Variants in RAPH1 observed in about 807,000 individuals in gnomAD.
The protein encoded by RAPH1 is Ras association (RalGDS/AF-6) and pleckstrin homology domains 1.
RAPH1 carries 18 observed loss-of-function variants against 88.1 expected under a neutral mutation model. The observed-to-expected ratio is 0.20, with a 90% CI of 0.14 to 0.30. The LOEUF (loss-of-function observed/expected upper bound fraction) is 0.30, where lower values mean the gene tolerates loss of function less well. Among genes scored for constraint, RAPH1 ranks in the 10% least tolerant of loss-of-function variants. The pLI, the probability that RAPH1 is intolerant of heterozygous loss-of-function variation, is 1.00. For synonymous variants in RAPH1, 587 were observed against 559.0 expected, an observed-to-expected ratio of 1.05 and a Z score of -0.71; for missense variants, 1,448 against 1,543.2, an observed-to-expected ratio of 0.94 and a Z score of 1.03.
intron 1 of RAPH1, among the ~76,000 whole-genome samples, chr2:203,510,710 C>G (rs1008526749): frequency 6.6e-6 from 1 of 152,012 alleles, no homozygotes; most frequent in African/African-American, 2.4e-5. Flanking sequence ...GCTAAAAACA[C>G]TAGAATTTTT....
In RAPH1 at chr2:203,440,128, G is replaced by A. The variant is rs2098502085; in HGVS notation, c.3062C>T (p.Pro1021Leu). 1.9e-6 allele frequency: 3 copies of A among 1,613,442 alleles called. No homozygotes were observed. The highest frequency in any genetic ancestry group is 1.1e-5 in the South Asian group (1 of 91,086). ...TTTTCCAGGCTTGGGGGGTGCTGCA[G>A]GAGGTGGTAGGGTCTCCTTGCTGGG... ...GSPSKETLPP[P>L]AAPPKPGKLN... The change falls in exon 14 of 14, where the codon CCT becomes CTT. Residue 1021 changes from proline to leucine, a missense_variant. By Grantham distance (98) the Pro-to-Leu change is moderately conservative (BLOSUM62 -3). This residue lies in a region of RAPH1 where 935 missense variants were observed against 890.1 expected (regional missense o/e 1.05). Transcript: ENST00000319170.
In RAPH1 at chr2:203,439,315, T is replaced by C. The variant is rs1269808620; in HGVS notation, c.*122A>G. ...ACGTGTACACACACACATACACATATAGCTGGACACTACCTGAATAACATC... is the reference window on the plus strand; with the variant it reads ...ACGTGTACACACACACATACACATACAGCTGGACACTACCTGAATAACATC... On this transcript the variant is annotated 3_prime_UTR_variant, in exon 14 of 14. Transcript: ENST00000319170. The C allele has an allele frequency of 4.7e-6, 4 of 856,374 alleles. No individual in the cohort carries two copies. Among genetic ancestry groups the C allele is most frequent in the African/African-American group, 1.7e-5 (1 of 59,756 alleles). The allele number at this position is 856,374 out of a possible 1,614,324, so 53.0% of individuals were successfully genotyped here. A position where few individuals can be genotyped will look rare whatever the true frequency, so the allele number is the denominator to read the frequency against.
intron 1 of RAPH1, among the ~76,000 whole-genome samples, chr2:203,524,340 T>C (rs1475965073): frequency 2.0e-5 from 3 of 152,128 alleles, no homozygotes; most frequent in Non-Finnish European, 2.9e-5. Flanking sequence ...TATAAAATGA[T>C]ACAACTTTGG....
chr2:203,482,017 A>AC lies in RAPH1; in HGVS notation c.732+7566_732+7567insG, dbSNP rs550246590. ...GCTTTTTACTTCTGCAGAAAAAAAA[A>AC]ACACACACACACACAGATTTCCAAG... On this transcript the variant is annotated intron_variant, in intron 4 of 13. Transcript: ENST00000319170. Among the ~76,000 whole-genome samples, 176 of 151,440 alleles carry AC rather than the reference A, an allele frequency of 1.2e-3. No homozygotes were observed. In the South Asian group the frequency reaches 0.016, roughly 14 times the overall value.
intron 1 of RAPH1, among the ~76,000 whole-genome samples, chr2:203,522,290 T>C (rs1016405390): frequency 6.6e-6 from 1 of 152,248 alleles, no homozygotes; most frequent in African/African-American, 2.4e-5. Context: ...AATCTCGATT[T>C]ATATCATAAA....
Position 203,439,410 on chromosome 2 carries a change from TATC to T in RAPH1, c.*24_*26del, listed in dbSNP as rs1359958186. 6.2e-7 allele frequency: 1 copy of T among 1,600,384 alleles called. No homozygotes were observed. The highest frequency in any genetic ancestry group is 8.5e-7 in the Non-Finnish European group (1 of 1,169,888). ...AGCTGATTGTAGCAGTGATTACAGATATCATGAAAATAAAGTCCTATGGTGGCT... is the reference window on the plus strand; with the variant it reads ...AGCTGATTGTAGCAGTGATTACAGATATGAAAATAAAGTCCTATGGTGGCT... On this transcript the variant is annotated 3_prime_UTR_variant, in exon 14 of 14. Transcript: ENST00000319170.
At chr2:203,512,496 G>A (rs1689392668) in intron 1 of RAPH1, among the ~76,000 whole-genome samples, 1 of 152,018 alleles carries the variant, frequency 6.6e-6, no homozygotes, top group South Asian at 2.1e-4. Context: ...AGACACAAAT[G>A]GAAGTAAGAT....
chr2:203,458,652 T>C (rs2098521800), intron 7 of RAPH1, among the ~76,000 whole-genome samples: 1 of 152,200 alleles, frequency 6.6e-6, no homozygotes, highest in East Asian at 1.9e-4. Context: ...CATATTCAAG[T>C]TTTGTTTTTT....
At chr2:203,523,772 C>T (rs36022636) in intron 1 of RAPH1, among the ~76,000 whole-genome samples, 15,297 of 152,098 alleles carry the variant, frequency 0.1, 1,547 homozygotes, top group African/African-American at 0.26. Context: ...TTTGGGAGGC[C>T]GAGGCAGGTG....
rs756936403 is a variant in RAPH1 at position 203,441,163 on chromosome 2, G to A, written c.2027C>T (p.Ala676Val). The A allele has an allele frequency of 4.6e-5, 74 of 1,612,186 alleles. No individual in the cohort carries two copies. The highest frequency in any genetic ancestry group is 3.4e-4 in the Middle Eastern group (2 of 5,902). The change falls in exon 14 of 14, where the codon GCG (alanine) becomes GTG (valine). Residue 676 changes from alanine to valine, a missense_variant. By Grantham distance (64) the Ala-to-Val change is moderately conservative. Coordinates refer to ENST00000319170, the MANE Select transcript of RAPH1 (RefSeq NM_213589.3). ...AAACAGGGCCCCTGAATGCTGAGACGCATTCTGTAGCCGTGTTATTGTGCT... is the reference window on the plus strand; with the variant it reads ...AAACAGGGCCCCTGAATGCTGAGACACATTCTGTAGCCGTGTTATTGTGCT... ...KYSTITRLQN[A>V]SQHSGALFKP...
At chr2:203,485,635 T>A (rs1687933574) in intron 4 of RAPH1, among the ~76,000 whole-genome samples, 1 of 152,086 alleles carries the variant, frequency 6.6e-6, no homozygotes, top group Non-Finnish European at 1.5e-5. Context: ...AAACCCAAGG[T>A]CATTTTCCAC....
rs761000876 is a variant in RAPH1 at position 203,445,052 on chromosome 2, G to A, written c.1634-42C>T. 7 of 1,574,134 alleles carry A rather than the reference G, an allele frequency of 4.4e-6. No homozygotes were observed. The Admixed American group carries it at 6.9e-5, about 15-fold the overall frequency. On this transcript the variant is annotated intron_variant, in intron 12 of 13. Coordinates refer to ENST00000319170, the MANE Select transcript of RAPH1 (RefSeq NM_213589.3). ...TTTAAACATAGGTTTAAAAGAGTCAGTATTCTGACAATATTCATATGTATG... is the reference window on the plus strand; with the variant it reads ...TTTAAACATAGGTTTAAAAGAGTCAATATTCTGACAATATTCATATGTATG...
chr2:203,441,363 T>C lies in RAPH1; in HGVS notation c.1827A>G (p.Leu609=), dbSNP rs758353345. 10 of 1,570,400 alleles carry C rather than the reference T, an allele frequency of 6.4e-6. No individual in the cohort carries two copies. The South Asian group carries it at 1.2e-4, about 19-fold the overall frequency. The change falls in exon 14 of 14, where the codon TTA becomes TTG. Residue 609 remains leucine, a synonymous_variant. Coordinates refer to ENST00000319170, the MANE Select transcript of RAPH1 (RefSeq NM_213589.3). ...GGGTGACTATCTTAGGTTGCGGGGA[T>C]AAAGGGGGCACAAGTGAAGTGTAGG... The part of the protein sequence containing the change: ...NRPYTSLVPP[L]SPQPKIVTPY...
At chr2:203,534,742 G>A (rs1007012213) in intron 1 of RAPH1, among the ~76,000 whole-genome samples, 1 of 152,286 alleles carries the variant, frequency 6.6e-6, no homozygotes, top group East Asian at 1.9e-4. Flanking sequence ...TCTGCAGCTG[G>A]GCGGGGGAAA....
intron 4 of RAPH1, among the ~76,000 whole-genome samples, chr2:203,484,827 G>A (rs984216237): frequency 4.6e-5 from 7 of 152,114 alleles, no homozygotes. Context: ...ATTAACATTC[G>A]CTGACAAGAC....
intron 4 of RAPH1, among the ~76,000 whole-genome samples, chr2:203,485,410 C>CAAA (rs71007521): frequency 2.1e-5 from 2 of 93,488 alleles, no homozygotes; most frequent in African/African-American, 3.9e-5. Flanking sequence ...GACTCTGTCT[C>CAAA]AAAAAAAAAA....
chr2:203,437,010 T>C lies in RAPH1; in HGVS notation c.*2427A>G, dbSNP rs527316986. On this transcript the variant is annotated 3_prime_UTR_variant, in exon 14 of 14. Coordinates refer to ENST00000319170, the MANE Select transcript of RAPH1 (RefSeq NM_213589.3). ...AATGGCCTGTTGTCGGACAAGCCAC[T>C]GGACTGGGGTTAAAATGAGTCTCCT... is the stretch of plus-strand genomic sequence containing the variant. 8.7e-6 allele frequency: 1 copy of C among 114,678 alleles called. No individual in the cohort carries two copies. Among genetic ancestry groups the C allele is most frequent in the Non-Finnish European group, 1.8e-5 (1 of 54,822 alleles). The allele number at this position is 114,678 out of a possible 1,614,324, so 7.1% of individuals were successfully genotyped here.
chr2:203,456,262 C>T (rs1173035117), intron 8 of RAPH1, among the ~76,000 whole-genome samples: 2 of 152,104 alleles, frequency 1.3e-5, no homozygotes, highest in East Asian at 3.8e-4. Flanking sequence ...CACAGTTACA[C>T]TAAATTTAAT....
chr2:203,462,052 T>G (rs1296471648), intron 4 of RAPH1, 127 bp from the exon 5 acceptor site: 2 of 573,790 alleles, frequency 3.5e-6, no homozygotes, highest in Non-Finnish European at 2.8e-6. Flanking sequence ...CAGAGCACAT[T>G]TAAAAAATAA....
Sources: allele counts gnomAD v4.1 joint callset (sites outside exome capture counted in the v4.1 genomes callset), GRCh38; gene constraint gnomAD v4.1.1; regional missense constraint gnomAD v4.1.1; transcripts MANE v1.5; gene names NCBI Gene and HGNC (gene_info 2026-07-23, HGNC 2026-07-21).